The following INPP4B variants were observed in gnomAD, a reference collection of about 807,000 sequenced individuals.
INPP4B encodes inositol polyphosphate 4-phosphatase type II.
INPP4B carries 55 observed loss-of-function variants against 122.5 expected under a neutral mutation model. The ratio of observed to expected loss-of-function variants is 0.45; its 90% CI spans 0.36 to 0.56. The LOEUF is 0.56. INPP4B is among the 20% of genes least tolerant of loss of function. The pLI, the probability that INPP4B is intolerant of heterozygous loss-of-function variation, is 0.00. For synonymous variants in INPP4B, 403 were observed against 388.7 expected (o/e 1.04, Z -0.43); for missense variants, 1,000 against 1,097.7 (o/e 0.91, Z 1.26).
chr4:142,274,817 G>C (rs1262067741), intron 9 of INPP4B, among the ~76,000 whole-genome samples: 1 of 151,590 alleles, frequency 6.6e-6, no homozygotes, highest in Non-Finnish European at 1.5e-5. Context: ...GTATTGCCAG[G>C]TCATTACCAC....
chr4:142,283,311 G>A (rs77547967), intron 9 of INPP4B, among the ~76,000 whole-genome samples: 15,533 of 152,070 alleles, frequency 0.1, 878 homozygotes, highest in Middle Eastern at 0.16. Context: ...GGAATGAGGA[G>A]CTCAGTTTAG....
chr4:142,037,165 A>G (rs1394212742), intron 25 of INPP4B, among the ~76,000 whole-genome samples: 2 of 152,192 alleles, frequency 1.3e-5, no homozygotes, highest in East Asian at 1.9e-4. Flanking sequence ...ATAGAAAATG[A>G]TCTTTTTTAT....
chr4:142,213,891 C>G (rs1472835118), intron 12 of INPP4B, among the ~76,000 whole-genome samples: 1 of 152,072 alleles, frequency 6.6e-6, no homozygotes, highest in African/African-American at 2.4e-5. Context: ...GTGAGTGAGT[C>G]ACAGGGAACT....
At position 142,135,596 on chromosome 4, in the gene INPP4B, A is replaced by G. The variant is rs528833182; in HGVS notation, c.1720+10244T>C. Among the ~76,000 whole-genome samples the G allele has an allele frequency of 1.1e-4, 16 of 152,230 alleles. No homozygotes were observed. The South Asian group carries it at 3.3e-3, about 32-fold the overall frequency. On this transcript the variant is annotated intron_variant, in intron 18 of 25. Coordinates refer to ENST00000262992, the MANE Select transcript of INPP4B (RefSeq NM_001101669.3). ...TCTGTCCACTTCGCTTGATTCATTC[A>G]TATTACTTCATATGATGCCTATGGG...
rs187677946 is a variant in INPP4B at position 142,667,783 on chromosome 4, T to C, written c.-191+58056A>G. Among the ~76,000 whole-genome samples, 13 of 152,182 alleles carry C rather than the reference T, an allele frequency of 8.5e-5. No homozygotes were observed. In the South Asian group the frequency reaches 1.0e-3, roughly 12 times the overall value. On this transcript the variant is annotated intron_variant, in intron 2 of 25. Coordinates refer to ENST00000262992, the MANE Select transcript of INPP4B (RefSeq NM_001101669.3). ...AAGAAGGAGGCCTCACAGTAGATGA[T>C]TGAATAGAAAGGATTGGGTATAGAG...
At chr4:142,608,388 A>G (rs371351543) in intron 2 of INPP4B, among the ~76,000 whole-genome samples, 24 of 152,320 alleles carry the variant, frequency 1.6e-4, no homozygotes, top group Admixed American at 3.9e-4. Context: ...GATAATGTCA[A>G]TGGCCTAAAA....
At chr4:142,123,110 A>C (rs1797245147) in intron 20 of INPP4B, among the ~76,000 whole-genome samples, 182 bp downstream of exon 20, 1 of 152,158 alleles carries the variant, frequency 6.6e-6, no homozygotes, top group South Asian at 2.1e-4. Context: ...TTCCATTTTC[A>C]AAGCATAATA....
chr4:142,539,577 G>A (rs1419598096), intron 2 of INPP4B, among the ~76,000 whole-genome samples: 1 of 151,918 alleles, frequency 6.6e-6, no homozygotes. Context: ...GAATCTTGCT[G>A]TTGTGAGAAC....
chr4:142,448,788 A>G (rs1813501090), intron 3 of INPP4B, among the ~76,000 whole-genome samples: 1 of 152,214 alleles, frequency 6.6e-6, no homozygotes, highest in African/African-American at 2.4e-5. Context: ...CTAATTTAAC[A>G]TCATCCAAAA....
chr4:142,593,890 A>G (rs951197597), intron 2 of INPP4B, among the ~76,000 whole-genome samples: 1 of 152,020 alleles, frequency 6.6e-6, no homozygotes, highest in Non-Finnish European at 1.5e-5. Flanking sequence ...ACACACACAC[A>G]CGCACAGGAT....
intron 16 of INPP4B, among the ~76,000 whole-genome samples, chr4:142,172,645 A>T (rs1826160983): frequency 6.7e-6 from 1 of 148,974 alleles, no homozygotes; most frequent in Non-Finnish European, 1.5e-5. Context: ...AGAATAACAT[A>T]TAAAAATGTA....
chr4:142,646,257 AAC>A (rs1751758412), intron 2 of INPP4B, among the ~76,000 whole-genome samples: 1 of 152,204 alleles, frequency 6.6e-6, no homozygotes, highest in African/African-American at 2.4e-5. Context: ...ACAAGAAACT[AAC>A]ACAACTAACA....
At chr4:142,755,690 A>G (rs921325634) in intron 1 of INPP4B, among the ~76,000 whole-genome samples, 4 of 152,116 alleles carry the variant, frequency 2.6e-5, no homozygotes, top group African/African-American at 9.6e-5. Context: ...TTAAAGAGAA[A>G]TAAAATAACA....
chr4:142,614,783 G>A (rs1392403959), intron 2 of INPP4B, among the ~76,000 whole-genome samples: 1 of 151,902 alleles, frequency 6.6e-6, no homozygotes, highest in Non-Finnish European at 1.5e-5. Flanking sequence ...ATAAACATAT[G>A]GGAAAAATGC....
intron 2 of INPP4B, among the ~76,000 whole-genome samples, chr4:142,694,141 C>A (rs571165972): frequency 6.6e-6 from 1 of 151,862 alleles, no homozygotes; most frequent in Admixed American, 6.6e-5. Context: ...GGGAGGCCGA[C>A]GCAGGCAGAT....
chr4:142,402,623 T>C (rs967161339), intron 7 of INPP4B, among the ~76,000 whole-genome samples: 1 of 152,168 alleles, frequency 6.6e-6, no homozygotes, highest in Non-Finnish European at 1.5e-5. Context: ...GTTTTAAATA[T>C]TGCCTAATTT....
intron 2 of INPP4B, among the ~76,000 whole-genome samples, chr4:142,721,230 T>C (rs1764618045): frequency 1.3e-5 from 2 of 152,016 alleles, no homozygotes; most frequent in African/African-American, 4.8e-5. Context: ...CCAAACCCAA[T>C]AGGCCTAATT....
intron 2 of INPP4B, among the ~76,000 whole-genome samples, chr4:142,625,717 A>C (rs1746205262): frequency 6.6e-6 from 1 of 152,134 alleles, no homozygotes; most frequent in Admixed American, 6.6e-5. Flanking sequence ...GCATCACACT[A>C]CCTGATTTCA....
At chr4:142,146,437 A>G (rs1486884216) in intron 17 of INPP4B, among the ~76,000 whole-genome samples, 1 of 152,150 alleles carries the variant, frequency 6.6e-6, no homozygotes, top group Non-Finnish European at 1.5e-5. Context: ...TTTCAGTAGC[A>G]TTAAGTATAT....
Sources: allele counts gnomAD v4.1 joint callset (sites outside exome capture counted in the v4.1 genomes callset), GRCh38; gene constraint gnomAD v4.1.1; transcripts MANE v1.5; gene names NCBI Gene and HGNC (gene_info 2026-07-23, HGNC 2026-07-21).